Variants in LRRC74A observed in about 807,000 individuals in gnomAD.
The protein encoded by LRRC74A is leucine rich repeat containing 74A.
Under a neutral mutation model 57.9 loss-of-function variants are expected in LRRC74A, and 44 were observed. The ratio of observed to expected loss-of-function variants is 0.76; its 90% CI spans 0.60 to 0.98. The LOEUF is 0.98. LRRC74A is among the 50% of genes least tolerant of loss of function. LRRC74A has a pLI of 0.00. For missense variants in LRRC74A, 572 were observed against 574.0 expected (o/e 1.00, Z 0.04); for synonymous variants, 211 against 219.4 (o/e 0.96, Z 0.34).
intron 9 of LRRC74A, among the ~76,000 whole-genome samples, chr14:76,856,875 AT>A (rs1381514456): frequency 1.3e-5 from 2 of 149,110 alleles, no homozygotes; most frequent in African/African-American, 2.5e-5. Context: ...GAATAGATAG[AT>A]GGTTGGGTGG....
At chr14:76,856,121 T>C (rs1237322849) in intron 9 of LRRC74A, among the ~76,000 whole-genome samples, 5 of 152,226 alleles carry the variant, frequency 3.3e-5, no homozygotes, top group African/African-American at 1.2e-4. Context: ...CCTCATTCTC[T>C]CTGCTTCTGC....
At chr14:76,851,705 C>T (rs2362864) in intron 7 of LRRC74A, among the ~76,000 whole-genome samples, 35,802 of 141,330 alleles carry the variant, frequency 0.25, 4,839 homozygotes, top group East Asian at 0.52. Context: ...CTCGCTCTGT[C>T]GCCAGGCTGG....
At chr14:76,830,780 A>G (rs1263146253) in intron 2 of LRRC74A, among the ~76,000 whole-genome samples, 2 of 152,188 alleles carry the variant, frequency 1.3e-5, no homozygotes, top group Non-Finnish European at 2.9e-5. Context: ...CGGTGAAACT[A>G]AAAGTGAAAT....
chr14:76,843,580 A>G (rs1182754379), intron 5 of LRRC74A, among the ~76,000 whole-genome samples: 1 of 152,210 alleles, frequency 6.6e-6, no homozygotes, highest in African/African-American at 2.4e-5. Context: ...CTGGAAGTTC[A>G]TGGCAGAGAG....
chr14:76,843,887 G>T (rs1468626330), intron 5 of LRRC74A, among the ~76,000 whole-genome samples: 1 of 151,872 alleles, frequency 6.6e-6, no homozygotes, highest in Non-Finnish European at 1.5e-5. Flanking sequence ...TCTTAGTAGA[G>T]ACAGGGTTTT....
In LRRC74A at chr14:76,832,263, C is replaced by T. The variant is rs565145606; in HGVS notation, c.339+888C>T. Among the ~76,000 whole-genome samples the T allele has an allele frequency of 3.3e-5, 5 of 152,272 alleles. No individual in the cohort carries two copies. In the East Asian group the frequency reaches 7.7e-4, roughly 23 times the overall value. ...GTTTAATGATCACAGGGTGGCCAAG[C>T]AAGGAAATGAAAGGAACCCTTCCAT... On this transcript the variant is annotated intron_variant, in intron 3 of 13. Transcript: ENST00000689127.
Position 76,828,353 on chromosome 14 carries a change from T to A in LRRC74A, c.100T>A (p.Ser34Thr). 1 of 1,613,648 alleles carries A rather than the reference T, an allele frequency of 6.2e-7. No homozygotes were observed. The highest frequency in any genetic ancestry group is 2.2e-5 in the East Asian group (1 of 44,862). ...SDKMLYCEAE[S>T]PPTVEKVKPA... is the part of the protein sequence containing the mutation. ...TAAAATGCTCTACTGTGAGGCCGAATCCCCGCCGACTGTTGAAAAAGTGAA... is the reference window on the plus strand; with the variant it reads ...TAAAATGCTCTACTGTGAGGCCGAAACCCCGCCGACTGTTGAAAAAGTGAA... Residue 34 changes from serine (S) to threonine (T), a missense_variant, in exon 2 of 14, where the codon TCC becomes ACC. By Grantham distance (58) the Ser-to-Thr change is moderately conservative. Coordinates refer to ENST00000689127, the MANE Select transcript of LRRC74A (RefSeq NM_001385106.1).
chr14:76,868,996 C>T (rs899595088), intron 13 of LRRC74A, among the ~76,000 whole-genome samples: 5 of 152,252 alleles, frequency 3.3e-5, no homozygotes, highest in Non-Finnish European at 5.9e-5. Flanking sequence ...AGCAAGAGGG[C>T]GCCAAAGGTG....
chr14:76,837,094 A>C (rs1896405002), intron 4 of LRRC74A, among the ~76,000 whole-genome samples: 1 of 152,154 alleles, frequency 6.6e-6, no homozygotes, highest in Non-Finnish European at 1.5e-5. Context: ...GTTAGCCGAG[A>C]TGACGCCACT....
At chr14:76,837,158 A>T (rs1896412514) in intron 4 of LRRC74A, among the ~76,000 whole-genome samples, 2 of 152,154 alleles carry the variant, frequency 1.3e-5, no homozygotes, top group African/African-American at 4.8e-5. Context: ...AAATTGATAA[A>T]TGTAGCTCTG....
chr14:76,833,407 CGA>C (rs1190644617), intron 3 of LRRC74A, among the ~76,000 whole-genome samples: 1 of 146,968 alleles, frequency 6.8e-6, no homozygotes, highest in Non-Finnish European at 1.5e-5. Context: ...TGAGAGAGAA[CGA>C]GAGAGAGAGA....
intron 3 of LRRC74A, among the ~76,000 whole-genome samples, chr14:76,833,540 C>G (rs1344115378): frequency 7.1e-6 from 1 of 141,822 alleles, no homozygotes; most frequent in African/African-American, 2.6e-5. Context: ...CTCCCAGGTT[C>G]AAGTGATTCT....
At chr14:76,858,917 C>T (rs1253929376) in intron 10 of LRRC74A, among the ~76,000 whole-genome samples, 1 of 152,124 alleles carries the variant, frequency 6.6e-6, no homozygotes, top group Non-Finnish European at 1.5e-5. Context: ...ATATGTAAAC[C>T]CAAGCTCCTT....
intron 7 of LRRC74A, among the ~76,000 whole-genome samples, chr14:76,851,694 T>A (rs1437708047): frequency 2.4e-5 from 3 of 125,022 alleles, no homozygotes; most frequent in Non-Finnish European, 4.9e-5. Flanking sequence ...TGAGACAGAG[T>A]CTCGCTCTGT....
chr14:76,847,736 C>G (rs990554621), intron 7 of LRRC74A, among the ~76,000 whole-genome samples: 1 of 150,978 alleles, frequency 6.6e-6, no homozygotes, highest in Admixed American at 6.6e-5. Flanking sequence ...GTTATGGAAA[C>G]CCAAATGGAG....
chr14:76,829,079 C>G (rs1359976820), intron 2 of LRRC74A: 13 of 1,289,292 alleles, frequency 1.0e-5, no homozygotes, highest in Non-Finnish European at 1.3e-5. Context: ...TCCACCCTCT[C>G]TCTCCTCCCA....
Position 76,831,363 on chromosome 14 carries a change from T to C in LRRC74A, c.327T>C (p.Ala109=), listed in dbSNP as rs926816544. ...GLGPRGTKAI[A]IALVSNMAVT... ...GCCCCAGGGGTACCAAGGCTATTGCTATAGCCCTGGTGGTGAGCATGCTAG... is the reference window on the plus strand; with the variant it reads ...GCCCCAGGGGTACCAAGGCTATTGCCATAGCCCTGGTGGTGAGCATGCTAG... The change falls in exon 3 of 14, where the codon GCT becomes GCC. Residue 109 remains alanine (A), a synonymous_variant. Transcript: ENST00000689127. The C allele has an allele frequency of 2.5e-6, 4 of 1,613,136 alleles. No individual in the cohort carries two copies. The highest frequency in any genetic ancestry group is 3.4e-6 in the Non-Finnish European group (4 of 1,179,792).
Position 76,828,283 on chromosome 14 carries a change from T to C in LRRC74A, c.38-8T>C, listed in dbSNP as rs781605165. On this transcript the variant is annotated splice_region_variant and splice_polypyrimidine_tract_variant and intron_variant, in intron 1 of 13. Transcript: ENST00000689127. ...CCTGGCATCAAGGAGATGAGTTTTT[T>C]CTTCCAGATGAGATTGAAATTGAGC... 8.2e-6 allele frequency: 13 copies of C among 1,579,742 alleles called. No homozygotes were observed. Among genetic ancestry groups the C allele is most frequent in the Admixed American group, 1.8e-5 (1 of 56,616 alleles).
chr14:76,828,597 G>A lies in LRRC74A; in HGVS notation c.166+178G>A, dbSNP rs113978608. 867 of 902,608 alleles carry A rather than the reference G, an allele frequency of 9.6e-4. 4 individuals are homozygous for A. In the African/African-American group the frequency reaches 0.013, roughly 13 times the overall value. The allele number at this position is 902,608 out of a possible 1,614,324, so 55.9% of individuals were successfully genotyped here. ...CTGGAGTCCTCCTCCGGGCTGGCAG[G>A]GGAGAGCAGCTGCAGCTTCCCACGC... On this transcript the variant is annotated intron_variant, in intron 2 of 13. Transcript: ENST00000689127.
Sources: gnomAD v4.1 joint callset for allele counts (sites outside exome capture counted in the v4.1 genomes callset) on GRCh38, gnomAD v4.1.1 for gene constraint, MANE v1.5 for transcripts, NCBI Gene and HGNC (gene_info 2026-07-23, HGNC 2026-07-21) for gene names.